Variants in SIK2 observed in about 807,000 individuals in gnomAD.
SIK2 encodes the protein salt inducible kinase 2.
In SIK2, 29 loss-of-function variants were observed where a neutral mutation model predicts 103.2. That is an observed-to-expected ratio of 0.28 (90% CI 0.21 to 0.38). The LOEUF (loss-of-function observed/expected upper bound fraction) is 0.38, where lower values mean the gene tolerates loss of function less well. Ranked by LOEUF, SIK2 falls within the 10% of genes least tolerant of loss-of-function variation. The pLI is 1.00. For synonymous variants in SIK2, 412 were observed against 446.1 expected, an observed-to-expected ratio of 0.92 and a Z score of 0.96; for missense variants, 879 against 1,171.0, an observed-to-expected ratio of 0.75 and a Z score of 3.64.
intron 1 of SIK2, among the ~76,000 whole-genome samples, chr11:111,607,247 A>G (rs1313234769): frequency 6.6e-6 from 1 of 152,218 alleles, no homozygotes; most frequent in Non-Finnish European, 1.5e-5. Context: ...GATAACAAGG[A>G]CATTTTGAAA....
Position 111,640,722 on chromosome 11 carries a change from ATTTTTTTTTTTTTTT to A in SIK2, c.316+20336_316+20350del, listed in dbSNP as rs58052684. On this transcript the variant is annotated intron_variant, in intron 3 of 14. Coordinates refer to ENST00000304987, the MANE Select transcript of SIK2 (RefSeq NM_015191.3). Reference sequence around the variant, plus strand: ...TTTAGAAAGTCAGAAGAAACAGGCAATTTTTTTTTTTTTTTTTTTTTTTTTTTTTTGAGATGGAGT... The same window carrying A: ...TTTAGAAAGTCAGAAGAAACAGGCAATTTTTTTTTTTTTTTGAGATGGAGT... Among the ~76,000 whole-genome samples the A allele has an allele frequency of 3.4e-3, 226 of 65,970 alleles. 4 individuals carry two copies. The Admixed American group carries it at 0.046, about 13-fold the overall frequency. The allele number at this position is 65,970 out of a possible 152,430, so 43.3% of individuals were successfully genotyped here. A position where few individuals can be genotyped will look rare whatever the true frequency, so the allele number is the denominator to read the frequency against.
rs144924730 is a variant in SIK2 at position 111,670,823 on chromosome 11, A to AG, written c.317-17174dup. On this transcript the variant is annotated intron_variant, in intron 3 of 14. Coordinates refer to ENST00000304987, the MANE Select transcript of SIK2 (RefSeq NM_015191.3). ...GTACCCCAGGCAATAAACTCCTCCA[A>AG]GGGGCTGAAGGCTAGGGCTGAGCCT... The AG allele has an allele frequency of 8.2e-3, 1,250 of 152,502 alleles. 11 individuals are homozygous for AG. Among genetic ancestry groups the AG allele is most frequent in the Middle Eastern group, 0.065 (19 of 294 alleles). The allele number at this position is 152,502 out of a possible 1,614,324, so 9.4% of individuals were successfully genotyped here.
intron 3 of SIK2, among the ~76,000 whole-genome samples, chr11:111,672,996 T>A (rs912412172): frequency 5.3e-5 from 8 of 152,244 alleles, no homozygotes; most frequent in African/African-American, 1.9e-4. Context: ...TCCCTACGAA[T>A]AATGATTGGA....
intron 3 of SIK2, among the ~76,000 whole-genome samples, chr11:111,640,351 G>T (rs938433228): frequency 6.6e-6 from 1 of 152,166 alleles, no homozygotes; most frequent in African/African-American, 2.4e-5. Context: ...CTTGAAACAG[G>T]CAGAATAATC....
chr11:111,682,588 A>C (rs1942791003), intron 3 of SIK2, among the ~76,000 whole-genome samples: 1 of 152,228 alleles, frequency 6.6e-6, no homozygotes, highest in African/African-American at 2.4e-5. Flanking sequence ...ATTTAGAGTG[A>C]AACAAATTGA....
chr11:111,713,308 A>G (rs1038595920), intron 9 of SIK2, among the ~76,000 whole-genome samples: 4 of 152,244 alleles, frequency 2.6e-5, no homozygotes, highest in African/African-American at 9.6e-5. Context: ...TAAGCGATGT[A>G]TAGAAGATCA....
Position 111,722,589 on chromosome 11 carries a change from G to A in SIK2, c.2056-76G>A, listed in dbSNP as rs1943834821. On this transcript the variant is annotated intron_variant, in intron 13 of 14. Transcript: ENST00000304987. The surrounding 1 kb of genome is among the most constrained non-coding windows in gnomAD (Gnocchi z 4.4). Reference sequence around the variant, plus strand: ...AGAATGCAGTTAGATTCATCCTGCAGGCAGAAGCACATCTGATGACTGCAT... The same window carrying A: ...AGAATGCAGTTAGATTCATCCTGCAAGCAGAAGCACATCTGATGACTGCAT... 1 of 1,367,932 alleles carries A rather than the reference G, an allele frequency of 7.3e-7. No individual in the cohort carries two copies. Among genetic ancestry groups the A allele is most frequent in the African/African-American group, 1.4e-5 (1 of 69,484 alleles). The allele number at this position is 1,367,932 out of a possible 1,614,324, so 84.7% of individuals were successfully genotyped here.
At chr11:111,657,317 T>G (rs1942403782) in intron 3 of SIK2, among the ~76,000 whole-genome samples, 1 of 152,216 alleles carries the variant, frequency 6.6e-6, no homozygotes, top group Non-Finnish European at 1.5e-5. Context: ...TGAGGTGATT[T>G]TGCATATGTT....
At chr11:111,627,298 C>T (rs756744765) in intron 3 of SIK2, among the ~76,000 whole-genome samples, 1 of 152,002 alleles carries the variant, frequency 6.6e-6, no homozygotes, top group Non-Finnish European at 1.5e-5. Flanking sequence ...GGACTTTCAG[C>T]GGTTTCACTT....
At chr11:111,656,837 T>C (rs957160156) in intron 3 of SIK2, among the ~76,000 whole-genome samples, 11 of 152,354 alleles carry the variant, frequency 7.2e-5, no homozygotes, top group Middle Eastern at 6.8e-3. Flanking sequence ...TATGTTCTTA[T>C]ACTCTAGATG....
chr11:111,616,503 T>C lies in SIK2; in HGVS notation c.252+144T>C. On this transcript the variant is annotated intron_variant, in intron 2 of 14. Coordinates refer to ENST00000304987, the MANE Select transcript of SIK2 (RefSeq NM_015191.3). ...TTTGTTACTAAGTACACCATTTTTC[T>C]ATATTGTCTTTAAACTTAAAAATCA... 4 of 593,678 alleles carry C rather than the reference T, an allele frequency of 6.7e-6. No homozygotes were observed. The South Asian group carries it at 9.2e-5, about 14-fold the overall frequency. 36.8% of individuals were successfully genotyped at this position (593,678 alleles called of 1,614,324 possible).
intron 4 of SIK2, among the ~76,000 whole-genome samples, chr11:111,700,231 T>A: frequency 6.6e-6 from 1 of 152,222 alleles, no homozygotes; most frequent in East Asian, 1.9e-4. Context: ...GGCCATTAAC[T>A]GTTTTGAACT....
Position 111,727,528 on chromosome 11 carries a change from A to G in SIK2, c.*3399A>G. 6.1e-6 allele frequency: 1 copy of G among 164,522 alleles called. No individual in the cohort carries two copies. The highest frequency in any genetic ancestry group is 1.3e-5 in the Non-Finnish European group (1 of 75,426). 10.2% of individuals were successfully genotyped at this position (164,522 alleles called of 1,614,324 possible). Reference sequence around the variant, plus strand: ...GCATTTTGATGGGGAGCAAGGGGGGACCCCCCCTGTAGGAGTATCGGCCTC... The same window carrying G: ...GCATTTTGATGGGGAGCAAGGGGGGGCCCCCCCTGTAGGAGTATCGGCCTC... On this transcript the variant is annotated 3_prime_UTR_variant, in exon 15 of 15. Transcript: ENST00000304987.
At chr11:111,650,968 A>T (rs550308841) in intron 3 of SIK2, among the ~76,000 whole-genome samples, 3 of 152,304 alleles carry the variant, frequency 2.0e-5, no homozygotes, top group African/African-American at 7.2e-5. Context: ...GATTTTATAC[A>T]TGAAAATAAA....
At chr11:111,703,497 G>C in intron 7 of SIK2, 74 bp downstream of exon 7, 1 of 1,370,434 alleles carries the variant, frequency 7.3e-7, no homozygotes. Context: ...CTGTCATCCT[G>C]GTCTTTTAGC....
In SIK2 at chr11:111,705,985, A is replaced by G. The variant is rs903435429; in HGVS notation, c.1101+846A>G. 3.3e-5 allele frequency among the ~76,000 whole-genome samples: 5 copies of G among 152,194 alleles called. No individual in the cohort carries two copies. Among genetic ancestry groups the G allele is most frequent in the Non-Finnish European group, 7.3e-5 (5 of 68,032 alleles). ...CATCTTAGAGGTAGACTCTGTATGAAGTTAGCAATGGTTCGGAGAGGCAGC... is the reference window on the plus strand; with the variant it reads ...CATCTTAGAGGTAGACTCTGTATGAGGTTAGCAATGGTTCGGAGAGGCAGC... On this transcript the variant is annotated intron_variant, in intron 8 of 14. Transcript: ENST00000304987. The surrounding 1 kb of genome is among the most constrained non-coding windows in gnomAD (Gnocchi z 4.3).
chr11:111,653,184 T>A (rs1942348854), intron 3 of SIK2, among the ~76,000 whole-genome samples: 1 of 152,150 alleles, frequency 6.6e-6, no homozygotes, highest in South Asian at 2.1e-4. Flanking sequence ...TGAGAGTAGG[T>A]CTGAGAGGAA....
At position 111,726,915 on chromosome 11, in the gene SIK2, C is replaced by CCG. The variant is rs781510853; in HGVS notation, c.*2786_*2787insCG. The CCG allele has an allele frequency of 4.1e-5, 65 of 1,580,720 alleles. No individual in the cohort carries two copies. The highest frequency in any genetic ancestry group is 5.6e-5 in the Non-Finnish European group (65 of 1,151,554). ...TAAAAATTTCGTTCGGCAAAAAGTG[C>CCG]AATATGTGTGGTACTTTATTTTTTA... is the stretch of plus-strand genomic sequence containing the variant. On this transcript the variant is annotated 3_prime_UTR_variant, in exon 15 of 15. Transcript: ENST00000304987.
In SIK2 at chr11:111,727,602, G is replaced by T; in HGVS notation, c.*3473G>T. The T allele has an allele frequency of 6.4e-6, 1 of 156,658 alleles. No homozygotes were observed. Among genetic ancestry groups the T allele is most frequent in the Non-Finnish European group, 1.4e-5 (1 of 70,514 alleles). The allele number at this position is 156,658 out of a possible 1,614,324, so 9.7% of individuals were successfully genotyped here. A position where few individuals can be genotyped will look rare whatever the true frequency, so the allele number is the denominator to read the frequency against. ...GTGGACCAAAGTCTCCAGCAGAAGA[G>T]ACTCATCATAAGACTGACGACTCCC... On this transcript the variant is annotated 3_prime_UTR_variant, in exon 15 of 15. Transcript: ENST00000304987.
Sources: gnomAD v4.1 joint callset for allele counts (sites outside exome capture counted in the v4.1 genomes callset) on GRCh38, gnomAD v4.1.1 for gene constraint, Gnocchi (gnomAD v3.1) non-coding constraint, MANE v1.5 for transcripts, NCBI Gene and HGNC (gene_info 2026-07-23, HGNC 2026-07-21) for gene names.